Variants in INVS observed in about 807,000 individuals in gnomAD.
INVS encodes inversion of embryo turning homolog.
In INVS, 86 loss-of-function variants were observed where a neutral mutation model predicts 108.8. The observed-to-expected ratio is 0.79, with a 90% CI of 0.66 to 0.95. The LOEUF is 0.95. INVS is among the 40% of genes least tolerant of loss of function. The pLI is 0.00. For synonymous variants in INVS, 455 were observed against 473.5 expected (o/e 0.96, Z 0.51); for missense variants, 1,169 against 1,297.4 (o/e 0.90, Z 1.52).
chr9:100,300,570 A>G lies in INVS; in HGVS notation c.3094A>G (p.Ser1032Gly). ...TATCTGGTATTTGTTTTTAACAGTGAGCAACCTACAGTGTATACATCTCCT... is the reference window on the plus strand; with the variant it reads ...TATCTGGTATTTGTTTTTAACAGTGGGCAACCTACAGTGTATACATCTCCT... Reference protein sequence around the residue: ...ASSVLRLNSVSNLQCIHLLEN... With the variant: ...ASSVLRLNSVGNLQCIHLLEN... The change falls in exon 17 of 17, where the codon AGC becomes GGC. Residue 1032 changes from serine (S) to glycine (G), a missense_variant and splice_region_variant. Around this residue, in one of 3 missense-constraint regions of INVS, gnomAD observed 533 missense variants for 536.0 expected, o/e 0.99. Transcript: ENST00000262457. 6.2e-7 allele frequency: 1 copy of G among 1,601,432 alleles called. No homozygotes were observed. The highest frequency in any genetic ancestry group is 1.1e-5 in the South Asian group (1 of 90,846).
At chr9:100,146,035 T>G (rs2118964983) in intron 3 of INVS, among the ~76,000 whole-genome samples, 1 of 152,244 alleles carries the variant, frequency 6.6e-6, no homozygotes, top group Admixed American at 6.5e-5. Context: ...AGGTGGATCT[T>G]TTTCACGGAG....
At chr9:100,267,019 TAA>T (rs11415703) in intron 11 of INVS, among the ~76,000 whole-genome samples, 239 of 93,132 alleles carry the variant, frequency 2.6e-3, no homozygotes, top group African/African-American at 4.3e-3. Flanking sequence ...TTTGAAACTC[TAA>T]AAAAAAAAAA....
chr9:100,159,118 T>C (rs1226110447), intron 3 of INVS, among the ~76,000 whole-genome samples: 2 of 152,184 alleles, frequency 1.3e-5, no homozygotes, highest in Non-Finnish European at 2.9e-5. Context: ...CAGCCTCCGG[T>C]ATTCCTTTAT....
chr9:100,133,304 T>C (rs1828109640), intron 3 of INVS, among the ~76,000 whole-genome samples: 1 of 152,134 alleles, frequency 6.6e-6, no homozygotes, highest in Non-Finnish European at 1.5e-5. Context: ...TTTGTTGGTT[T>C]CAATTCCCAT....
chr9:100,103,747 C>G (rs995892029), intron 1 of INVS, among the ~76,000 whole-genome samples: 5 of 151,556 alleles, frequency 3.3e-5, no homozygotes, highest in African/African-American at 1.2e-4. Flanking sequence ...AATGAGCTCT[C>G]GCTATATTGC....
intron 5 of INVS, among the ~76,000 whole-genome samples, chr9:100,238,481 A>G (rs1294557566): frequency 1.3e-5 from 2 of 152,110 alleles, no homozygotes; most frequent in African/African-American, 2.4e-5. Flanking sequence ...TGATTATTGC[A>G]TCTCAGTTCT....
At position 100,300,872 on chromosome 9, in the gene INVS, A is replaced by C; in HGVS notation, c.*198A>C. The C allele has an allele frequency of 1.6e-6, 1 of 617,740 alleles. No homozygotes were observed. The highest frequency in any genetic ancestry group is 2.9e-6 in the Non-Finnish European group (1 of 345,174). 38.3% of individuals were successfully genotyped at this position (617,740 alleles called of 1,614,324 possible). The stretch of plus-strand genomic sequence containing the variant: ...CTTACACAGCATTGTTTTGTCAATC[A>C]ACACAGCCTGCACTGAAAGGACCTG... On this transcript the variant is annotated 3_prime_UTR_variant, in exon 17 of 17. Transcript: ENST00000262457.
At chr9:100,294,838 C>G (rs970043793) in intron 14 of INVS, among the ~76,000 whole-genome samples, 1 of 152,198 alleles carries the variant, frequency 6.6e-6, no homozygotes, top group Non-Finnish European at 1.5e-5. Flanking sequence ...TTATTGGACA[C>G]TTGTGCCACT....
intron 11 of INVS, among the ~76,000 whole-genome samples, chr9:100,271,435 C>G (rs1323902313): frequency 6.6e-6 from 1 of 152,208 alleles, no homozygotes; most frequent in East Asian, 1.9e-4. Context: ...TTTGCTATGA[C>G]TAGCTGTACT....
chr9:100,187,513 C>T (rs1830087392), intron 3 of INVS, among the ~76,000 whole-genome samples: 1 of 127,598 alleles, frequency 7.8e-6, no homozygotes, highest in African/African-American at 3.6e-5. Context: ...TTGTTTGTAT[C>T]ATCTATGATT....
At chr9:100,117,579 TC>T in intron 2 of INVS, 4 of 969,140 alleles carry the variant, frequency 4.1e-6, no homozygotes, top group Non-Finnish European at 6.2e-6. Context: ...CGGTTCCCCA[TC>T]CCAGGGCCAC....
chr9:100,121,075 C>G (rs990631434), intron 2 of INVS, among the ~76,000 whole-genome samples: 2 of 151,968 alleles, frequency 1.3e-5, no homozygotes, highest in African/African-American at 2.4e-5. Flanking sequence ...TTTTTTTTAA[C>G]AATTTTAAAA....
intron 3 of INVS, among the ~76,000 whole-genome samples, chr9:100,152,677 A>G (rs1828844349): frequency 6.6e-6 from 1 of 152,174 alleles, no homozygotes; most frequent in Admixed American, 6.5e-5. Context: ...ACTATATCTC[A>G]AAGTATTTTA....
Position 100,154,331 on chromosome 9 carries a change from A to ATTTT in INVS, c.273+27807_273+27810dup, listed in dbSNP as rs780090630. Among the ~76,000 whole-genome samples the ATTTT allele has an allele frequency of 5.2e-3, 355 of 68,558 alleles. 40 individuals are homozygous for ATTTT. Among genetic ancestry groups the ATTTT allele is most frequent in the African/African-American group, 0.023 (303 of 12,978 alleles). The allele number at this position is 68,558 out of a possible 152,430, so 45.0% of individuals were successfully genotyped here. A position where few individuals can be genotyped will look rare whatever the true frequency, so the allele number is the denominator to read the frequency against. ...AGGTGTGTGCCACCACAACCGACTA[A>ATTTT]TTTTTTTTTTTTTTTTTTTTTTTTT... On this transcript the variant is annotated intron_variant, in intron 3 of 16. Transcript: ENST00000262457.
intron 13 of INVS, among the ~76,000 whole-genome samples, chr9:100,291,908 A>C (rs2806699): frequency 0.53 from 80,409 of 151,898 alleles, 22,227 homozygotes; most frequent in African/African-American, 0.59. Context: ...TCCTGCAAGG[A>C]CTCATTTTCT....
intron 3 of INVS, among the ~76,000 whole-genome samples, chr9:100,189,909 C>A (rs942789636): frequency 6.6e-6 from 1 of 151,848 alleles, no homozygotes; most frequent in Non-Finnish European, 1.5e-5. Context: ...GTAGAATTTT[C>A]TGTATTGGTT....
intron 12 of INVS, 24 bp downstream of exon 12, chr9:100,273,100 C>G (rs200831729): frequency 3.8e-6 from 6 of 1,592,404 alleles, no homozygotes; most frequent in Non-Finnish European, 4.3e-6. Flanking sequence ...ACGCAGATTG[C>G]GTTTTCGCCA....
chr9:100,161,919 A>C (rs970107009), intron 3 of INVS, among the ~76,000 whole-genome samples: 2 of 152,188 alleles, frequency 1.3e-5, no homozygotes, highest in African/African-American at 2.4e-5. Flanking sequence ...GATAATTATC[A>C]ATCCCATTCA....
chr9:100,193,574 C>T (rs2118175223), intron 3 of INVS, among the ~76,000 whole-genome samples: 1 of 152,210 alleles, frequency 6.6e-6, no homozygotes, highest in East Asian at 1.9e-4. Context: ...CATTTGTTAT[C>T]CTTTCTTCAA....
Sources: gnomAD v4.1 joint callset for allele counts (sites outside exome capture counted in the v4.1 genomes callset) on GRCh38, gnomAD v4.1.1 for gene constraint, gnomAD v4.1.1 regional missense constraint, MANE v1.5 for transcripts, NCBI Gene and HGNC (gene_info 2026-07-23, HGNC 2026-07-21) for gene names.